Variants in PARM1 observed in about 807,000 individuals in gnomAD.
PARM1 encodes prostate androgen-regulated mucin-like protein 1, also known as WSC4, cell wall integrity and stress response component 4 homolog.
In PARM1, 14 loss-of-function variants were observed where a neutral mutation model predicts 24.6. The observed-to-expected ratio is 0.57, with a 90% CI of 0.38 to 0.89. The LOEUF is 0.89. Ranked by LOEUF, PARM1 falls within the 40% of genes least tolerant of loss-of-function variation. The pLI is 0.00. For missense variants in PARM1, 362 were observed against 380.4 expected (o/e 0.95, Z 0.40); for synonymous variants, 179 against 156.6 (o/e 1.14, Z -1.07).
chr4:75,025,268 GAGCACCATT>G (rs768135518), intron 2 of PARM1, among the ~76,000 whole-genome samples: 79 of 152,270 alleles, frequency 5.2e-4, no homozygotes, highest in Non-Finnish European at 8.8e-4. Context: ...TTGATCTGGG[GAGCACCATT>G]AGCACAACTG....
intron 2 of PARM1, among the ~76,000 whole-genome samples, chr4:75,013,655 C>T (rs1722923735): frequency 6.6e-6 from 1 of 152,182 alleles, no homozygotes; most frequent in African/African-American, 2.4e-5. Flanking sequence ...TATTATTCTG[C>T]TCAGTGTTTT....
rs1723616286 is a variant in PARM1 at position 75,046,989 on chromosome 4, C to T, written c.*742C>T. The T allele has an allele frequency of 1.3e-5, 2 of 152,380 alleles. No individual in the cohort carries two copies. The highest frequency in any genetic ancestry group is 2.4e-5 in the African/African-American group (1 of 41,392). 9.4% of individuals were successfully genotyped at this position (152,380 alleles called of 1,614,324 possible). A position where few individuals can be genotyped will look rare whatever the true frequency, so the allele number is the denominator to read the frequency against. On this transcript the variant is annotated 3_prime_UTR_variant, in exon 4 of 4. Coordinates refer to ENST00000307428, the MANE Select transcript of PARM1 (RefSeq NM_015393.4). ...AAAAGGCAGCTGGGATCCCAGCCCA[C>T]AAGTGATCAGCAGAGTTGCATTTCC... is the stretch of plus-strand genomic sequence containing the variant.
chr4:75,001,317 C>T (rs148968434), intron 1 of PARM1, among the ~76,000 whole-genome samples: 94 of 152,300 alleles, frequency 6.2e-4, no homozygotes, highest in African/African-American at 2.1e-3. Context: ...TAGTAATACA[C>T]ATAGCAACAG....
At chr4:75,033,544 AAAC>A (rs1367433393) in intron 2 of PARM1, among the ~76,000 whole-genome samples, 1 of 152,188 alleles carries the variant, frequency 6.6e-6, no homozygotes, top group Non-Finnish European at 1.5e-5. Flanking sequence ...CTACCCCTGC[AAAC>A]AACAGCAGCA....
intron 1 of PARM1, among the ~76,000 whole-genome samples, chr4:74,999,709 A>C (rs538926875): frequency 2.5e-4 from 38 of 152,332 alleles, no homozygotes; most frequent in African/African-American, 8.9e-4. Flanking sequence ...ATGGTATGAT[A>C]GAATGCCATT....
At chr4:74,989,455 TAA>T (rs1722420239) in intron 1 of PARM1, among the ~76,000 whole-genome samples, 1 of 152,154 alleles carries the variant, frequency 6.6e-6, no homozygotes, top group Non-Finnish European at 1.5e-5. Flanking sequence ...AACAGCCAAA[TAA>T]AGAGACGAAT....
chr4:74,934,996 C>CTTTTTTTTT (rs11392364), intron 1 of PARM1, among the ~76,000 whole-genome samples: 82 of 116,420 alleles, frequency 7.0e-4, no homozygotes, highest in Non-Finnish European at 8.3e-4. Flanking sequence ...GCTCTTTTTT[C>CTTTTTTTTT]TTTTTTTTTT....
At chr4:74,951,852 C>T (rs1370090684) in intron 1 of PARM1, among the ~76,000 whole-genome samples, 1 of 152,184 alleles carries the variant, frequency 6.6e-6, no homozygotes, top group African/African-American at 2.4e-5. Context: ...GAGTATTTGG[C>T]TTGGTTCCAA....
chr4:74,986,595 G>A (rs1191447494), intron 1 of PARM1, among the ~76,000 whole-genome samples: 2 of 152,144 alleles, frequency 1.3e-5, no homozygotes, highest in East Asian at 3.8e-4. Context: ...GCTGAAAACA[G>A]CAATGAGAGC....
Position 74,934,485 on chromosome 4 carries a change from G to A in PARM1, c.43+1115G>A, listed in dbSNP as rs1470317946. Among the ~76,000 whole-genome samples the A allele has an allele frequency of 2.0e-5, 3 of 152,190 alleles. No individual in the cohort carries two copies. The East Asian group carries it at 5.8e-4, about 29-fold the overall frequency. ...AGCGGTTTTCAGGCAGCTCACAGTG[G>A]GTAATGCAGTTATAAGGAAAAGTTT... On this transcript the variant is annotated intron_variant, in intron 1 of 3. Transcript: ENST00000307428.
chr4:75,005,830 G>A (rs774079909), intron 1 of PARM1, among the ~76,000 whole-genome samples: 5 of 152,330 alleles, frequency 3.3e-5, no homozygotes, highest in Admixed American at 2.0e-4. Context: ...ACTGCTATCT[G>A]TAAACTTACA....
intron 1 of PARM1, among the ~76,000 whole-genome samples, chr4:74,958,564 C>T (rs759732651): frequency 2.6e-5 from 4 of 152,176 alleles, no homozygotes; most frequent in Non-Finnish European, 4.4e-5. Flanking sequence ...CCAGTGTCCA[C>T]AAGAAAGACC....
intron 1 of PARM1, chr4:74,994,369 A>G (rs1722535688): frequency 1.3e-5 from 2 of 152,224 alleles, no homozygotes; most frequent in African/African-American, 4.8e-5. Flanking sequence ...TCGTCATGGC[A>G]TGGCCTTCCC....
chr4:75,006,272 C>G (rs987432325), intron 1 of PARM1, among the ~76,000 whole-genome samples: 10 of 151,866 alleles, frequency 6.6e-5, no homozygotes, highest in African/African-American at 2.4e-4. Flanking sequence ...AGGTATATCT[C>G]CTAATGCTAT....
At chr4:75,024,019 C>A (rs1197143486) in intron 2 of PARM1, among the ~76,000 whole-genome samples, 2 of 152,152 alleles carry the variant, frequency 1.3e-5, no homozygotes, top group Non-Finnish European at 2.9e-5. Context: ...CGCCTGTAAT[C>A]CCAGCACTTT....
chr4:74,940,858 G>A (rs556575121), intron 1 of PARM1, among the ~76,000 whole-genome samples: 15 of 152,288 alleles, frequency 9.8e-5, no homozygotes, highest in African/African-American at 3.6e-4. Flanking sequence ...CTGTCTGTAT[G>A]TATTTAGGGC....
Position 74,933,218 on chromosome 4 carries a change from C to T in PARM1, c.-110C>T. ...CTGGAGCTGTTCGCGCCTCCCGGCT[C>T]CCACCGCAGCCCACCCGGCAGAGGA... On this transcript the variant is annotated 5_prime_UTR_variant, in exon 1 of 4. Transcript: ENST00000307428. The T allele has an allele frequency of 1.1e-6, 1 of 906,392 alleles. No homozygotes were observed. The highest frequency in any genetic ancestry group is 1.8e-6 in the Non-Finnish European group (1 of 570,136). The allele number at this position is 906,392 out of a possible 1,614,324, so 56.1% of individuals were successfully genotyped here. A position where few individuals can be genotyped will look rare whatever the true frequency, so the allele number is the denominator to read the frequency against.
chr4:74,985,878 C>A (rs1722345698), intron 1 of PARM1, among the ~76,000 whole-genome samples: 1 of 152,158 alleles, frequency 6.6e-6, no homozygotes, highest in Admixed American at 6.5e-5. Context: ...AAGTGATTCT[C>A]CAGCCTCAGC....
intron 1 of PARM1, among the ~76,000 whole-genome samples, chr4:75,000,468 T>C (rs1474507681): frequency 6.6e-6 from 1 of 152,154 alleles, no homozygotes; most frequent in Non-Finnish European, 1.5e-5. Context: ...CTCTCATCAT[T>C]CTTAGTGGGT....
Sources: allele counts gnomAD v4.1 joint callset (sites outside exome capture counted in the v4.1 genomes callset), GRCh38; gene constraint gnomAD v4.1.1; transcripts MANE v1.5; gene names NCBI Gene and HGNC (gene_info 2026-07-23, HGNC 2026-07-21).